Variants in ADAM32 observed in about 807,000 individuals in gnomAD.
ADAM32 encodes the protein ADAM metallopeptidase domain 32.
In ADAM32, 89 loss-of-function variants were observed where a neutral mutation model predicts 114.9. That is an observed-to-expected ratio of 0.77 (90% CI 0.65 to 0.92). The LOEUF is 0.92. ADAM32 is among the 40% of genes least tolerant of loss of function. The pLI is 0.00. For synonymous variants in ADAM32, 285 were observed against 307.5 expected, an observed-to-expected ratio of 0.93 and a Z score of 0.77; for missense variants, 870 against 932.8, an observed-to-expected ratio of 0.93 and a Z score of 0.88.
intron 10 of ADAM32, among the ~76,000 whole-genome samples, chr8:39,185,447 A>G (rs989952926): frequency 1.3e-5 from 2 of 152,224 alleles, no homozygotes; most frequent in Non-Finnish European, 2.9e-5. Context: ...TGAAGGAAAT[A>G]TCCTCCCAGC....
At chr8:39,225,894 G>T (rs2129449008) in intron 14 of ADAM32, among the ~76,000 whole-genome samples, 1 of 152,068 alleles carries the variant, frequency 6.6e-6, no homozygotes, top group Middle Eastern at 3.4e-3. Flanking sequence ...ATGAAAAACT[G>T]GGGAAACTTA....
chr8:39,107,645 G>T, upstream of ADAM32: 1 of 1,496,268 alleles, frequency 6.7e-7, no homozygotes. Context: ...AGAGCACCCC[G>T]TCTCCGGGGC....
intron 2 of ADAM32, among the ~76,000 whole-genome samples, chr8:39,131,272 G>T (rs1802438640): frequency 6.6e-6 from 1 of 152,028 alleles, no homozygotes; most frequent in Non-Finnish European, 1.5e-5. Context: ...ATCTCTTGAG[G>T]CCAGGAGTTT....
At chr8:39,162,447 T>G (rs1323414182) in intron 7 of ADAM32, among the ~76,000 whole-genome samples, 1 of 152,078 alleles carries the variant, frequency 6.6e-6, no homozygotes, top group Non-Finnish European at 1.5e-5. Flanking sequence ...TCTTTGCTAT[T>G]GTGAATAGTG....
intron 11 of ADAM32, among the ~76,000 whole-genome samples, chr8:39,202,794 C>G (rs1807520346): frequency 6.6e-6 from 1 of 152,196 alleles, no homozygotes; most frequent in Admixed American, 6.5e-5. Flanking sequence ...CCTCTACACA[C>G]TGCTTTGAAT....
chr8:39,254,699 A>G (rs1811530342), intron 18 of ADAM32, among the ~76,000 whole-genome samples, 183 bp downstream of exon 18: 1 of 151,732 alleles, frequency 6.6e-6, no homozygotes, highest in Non-Finnish European at 1.5e-5. Context: ...TTTCTTTATA[A>G]TTAACTAATC....
chr8:39,224,153 A>G, intron 14 of ADAM32: 1 of 152,176 alleles, frequency 6.6e-6, no homozygotes, highest in East Asian at 1.9e-4. Context: ...CTTTCATTCC[A>G]TCAGATTGTG....
At chr8:39,217,326 T>C (rs753905856) in intron 12 of ADAM32, among the ~76,000 whole-genome samples, 72 of 152,136 alleles carry the variant, frequency 4.7e-4, no homozygotes, top group Non-Finnish European at 2.1e-4. Context: ...GATTATTAAA[T>C]GCTTTGAGGT....
At chr8:39,158,048 CT>C in intron 6 of ADAM32, 1 of 258,942 alleles carries the variant, frequency 3.9e-6, no homozygotes. Context: ...TCTTTGTAGC[CT>C]TTGCCCTTGG....
intron 11 of ADAM32, among the ~76,000 whole-genome samples, chr8:39,205,514 A>G (rs1807766351): frequency 6.6e-6 from 1 of 152,220 alleles, no homozygotes; most frequent in South Asian, 2.1e-4. Context: ...TCCAGGTGCC[A>G]TCTGTCACAG....
intron 2 of ADAM32, among the ~76,000 whole-genome samples, chr8:39,123,725 G>A (rs1478616506): frequency 2.1e-5 from 1 of 47,292 alleles, no homozygotes; most frequent in Admixed American, 2.2e-4. Flanking sequence ...TTTTTTGTTT[G>A]AGTTGGAGTC....
At chr8:39,110,306 A>G (rs1437879506) in intron 1 of ADAM32, among the ~76,000 whole-genome samples, 1 of 152,104 alleles carries the variant, frequency 6.6e-6, no homozygotes, top group African/African-American at 2.4e-5. Flanking sequence ...CCTGACTTCA[A>G]GTGATCCACC....
intron 6 of ADAM32, among the ~76,000 whole-genome samples, chr8:39,160,278 C>T (rs943500552): frequency 1.3e-5 from 2 of 152,186 alleles, no homozygotes; most frequent in East Asian, 3.9e-4. Flanking sequence ...CGGTGGCTCA[C>T]GCCTGTAATC....
In ADAM32 at chr8:39,240,426, G is replaced by A. The variant is rs144586288; in HGVS notation, c.1819-5657G>A. On this transcript the variant is annotated intron_variant, in intron 16 of 24. Transcript: ENST00000379907. ...AATCCTCTGAGATACAGCAAAAGCC[G>A]TGCTAAAAGGAAAGTTTATAGCATT... is the stretch of plus-strand genomic sequence containing the variant. 2.0e-3 allele frequency among the ~76,000 whole-genome samples: 299 copies of A among 152,312 alleles called. 1 individual carries two copies. Among genetic ancestry groups the A allele is most frequent in the African/African-American group, 6.5e-3 (271 of 41,576 alleles).
intron 12 of ADAM32, 112 bp downstream of exon 12, chr8:39,211,436 T>C: frequency 1.8e-6 from 2 of 1,084,542 alleles, no homozygotes; most frequent in South Asian, 3.0e-5. Flanking sequence ...ATGTTGACAG[T>C]AAGTGAAGTT....
chr8:39,158,624 A>G, intron 6 of ADAM32: 1 of 242,174 alleles, frequency 4.1e-6, no homozygotes, highest in Non-Finnish European at 8.2e-6. Context: ...TCACCTTGCC[A>G]TGATGCCTAC....
chr8:39,222,910 T>C, intron 13 of ADAM32, 130 bp from the exon 14 acceptor site: 1 of 633,246 alleles, frequency 1.6e-6, no homozygotes, highest in South Asian at 2.8e-5. Flanking sequence ...TAGTAATTTG[T>C]ACAAAAAAGT....
intron 2 of ADAM32, among the ~76,000 whole-genome samples, chr8:39,127,902 A>G (rs1244693370): frequency 6.6e-6 from 1 of 152,130 alleles, no homozygotes; most frequent in Non-Finnish European, 1.5e-5. Context: ...AGTTTCAAAT[A>G]ACTTCTTGAT....
intron 19 of ADAM32, among the ~76,000 whole-genome samples, chr8:39,259,485 G>A (rs1459820238): frequency 1.3e-5 from 2 of 151,140 alleles, no homozygotes; most frequent in Non-Finnish European, 3.0e-5. Context: ...TTCTGTTTTT[G>A]TTTTAGTGAT....
Sources: gnomAD v4.1 joint callset for allele counts (sites outside exome capture counted in the v4.1 genomes callset) on GRCh38, gnomAD v4.1.1 for gene constraint, MANE v1.5 for transcripts, NCBI Gene and HGNC (gene_info 2026-07-23, HGNC 2026-07-21) for gene names.